Variants in PTPRM observed in about 807,000 individuals in gnomAD.
The protein encoded by PTPRM is receptor-type tyrosine-protein phosphatase mu.
In PTPRM, 47 loss-of-function variants were observed where a neutral mutation model predicts 186.7. The observed-to-expected ratio is 0.25, with a 90% CI of 0.20 to 0.32. The LOEUF (loss-of-function observed/expected upper bound fraction) is 0.32. Ranked by LOEUF, PTPRM falls within the 10% of genes least tolerant of loss-of-function variation. The pLI is 1.00. For synonymous variants in PTPRM, 668 were observed against 674.9 expected, an observed-to-expected ratio of 0.99 and a Z score of 0.16; for missense variants, 1,494 against 1,865.0, an observed-to-expected ratio of 0.80 and a Z score of 3.66.
rs200495138 is a variant in PTPRM at position 7,658,365 on chromosome 18, C to T, written c.73+90474C>T. On this transcript the variant is annotated intron_variant, in intron 1 of 32. Transcript: ENST00000580170. ...ATATATATATATATATATATACATA[C>T]ACACACACACACGCTATAAAAATGA... 6.7e-3 allele frequency among the ~76,000 whole-genome samples: 809 copies of T among 121,112 alleles called. 9 individuals carry two copies. The highest frequency in any genetic ancestry group is 0.03 in the African/African-American group (766 of 25,966). The allele number at this position is 121,112 out of a possible 152,430, so 79.5% of individuals were successfully genotyped here. A position where few individuals can be genotyped will look rare whatever the true frequency, so the allele number is the denominator to read the frequency against.
chr18:8,050,722 A>G (rs1447070741), intron 7 of PTPRM, among the ~76,000 whole-genome samples: 1 of 152,144 alleles, frequency 6.6e-6, no homozygotes, highest in Non-Finnish European at 1.5e-5. Context: ...TTTTTGTGGC[A>G]GTTTTCCAAC....
At chr18:8,002,647 C>T (rs1189617322) in intron 7 of PTPRM, among the ~76,000 whole-genome samples, 2 of 152,220 alleles carry the variant, frequency 1.3e-5, no homozygotes, top group Admixed American at 1.3e-4. Flanking sequence ...TGCAGACGCC[C>T]AGGCTCCAAC....
intron 2 of PTPRM, among the ~76,000 whole-genome samples, chr18:7,880,586 G>A (rs1398391329): frequency 6.6e-6 from 1 of 152,224 alleles, no homozygotes; most frequent in Non-Finnish European, 1.5e-5. Flanking sequence ...CTTGGAGACT[G>A]TGGTTTCATC....
intron 7 of PTPRM, among the ~76,000 whole-genome samples, chr18:7,961,603 T>G (rs1387470253): frequency 2.0e-5 from 3 of 152,252 alleles, no homozygotes; most frequent in Non-Finnish European, 2.9e-5. Flanking sequence ...TAGTAAAGCA[T>G]GTACTGCTGG....
intron 7 of PTPRM, among the ~76,000 whole-genome samples, chr18:8,022,672 T>C (rs1446958320): frequency 1.3e-5 from 2 of 152,108 alleles, no homozygotes; most frequent in East Asian, 1.9e-4. Context: ...GCGCTCCTAT[T>C]GATCTAGGTC....
intron 1 of PTPRM, among the ~76,000 whole-genome samples, chr18:7,749,770 A>G (rs531901899): frequency 1.3e-5 from 2 of 152,278 alleles, no homozygotes; most frequent in South Asian, 2.1e-4. Flanking sequence ...TATATTCTCA[A>G]TTCCATGTTA....
intron 1 of PTPRM, among the ~76,000 whole-genome samples, chr18:7,635,069 A>G (rs532928344): frequency 2.0e-5 from 3 of 152,250 alleles, no homozygotes; most frequent in Admixed American, 2.0e-4. Context: ...TTCAGGGAAA[A>G]TAATTATTTT....
intron 14 of PTPRM, among the ~76,000 whole-genome samples, chr18:8,223,606 C>T (rs749621273): frequency 4.6e-5 from 7 of 152,264 alleles, no homozygotes; most frequent in Non-Finnish European, 7.4e-5. Flanking sequence ...CAGCCACCAG[C>T]GCAGTCCAAA....
chr18:7,753,034 G>A (rs910623433), intron 1 of PTPRM, among the ~76,000 whole-genome samples: 1 of 152,112 alleles, frequency 6.6e-6, no homozygotes, highest in African/African-American at 2.4e-5. Flanking sequence ...GAGATGGGGA[G>A]GAGCAGTCTT....
chr18:8,296,334 CA>C (rs2095096988), intron 19 of PTPRM, 33 bp from the exon 20 acceptor site: 2 of 1,419,090 alleles, frequency 1.4e-6, no homozygotes, highest in Non-Finnish European at 2.0e-6. Context: ...TTTACTGCGC[CA>C]AATTGTAATT....
chr18:7,788,579 C>CA (rs2043195320), intron 2 of PTPRM, among the ~76,000 whole-genome samples: 1 of 150,568 alleles, frequency 6.6e-6, no homozygotes, highest in South Asian at 2.1e-4. Context: ...GAAATAATTC[C>CA]AACCCCTTTT....
At chr18:8,083,141 C>G (rs182180077) in intron 9 of PTPRM, among the ~76,000 whole-genome samples, 1 of 152,272 alleles carries the variant, frequency 6.6e-6, no homozygotes, top group African/African-American at 2.4e-5. Flanking sequence ...GCCCTCCCTA[C>G]TACTTCAATT....
intron 2 of PTPRM, among the ~76,000 whole-genome samples, chr18:7,832,823 A>G (rs1238978633): frequency 1.3e-5 from 2 of 152,202 alleles, no homozygotes; most frequent in African/African-American, 4.8e-5. Context: ...GTCTAGTTAC[A>G]TTCTTCTACA....
chr18:8,307,356 A>G (rs769137947), intron 20 of PTPRM, among the ~76,000 whole-genome samples: 3 of 152,144 alleles, frequency 2.0e-5, no homozygotes, highest in East Asian at 3.9e-4. Context: ...CTCCACCCCA[A>G]CTGGACCCTT....
intron 7 of PTPRM, among the ~76,000 whole-genome samples, chr18:8,008,454 AT>A (rs776570568): frequency 1.3e-5 from 2 of 152,184 alleles, no homozygotes; most frequent in South Asian, 2.1e-4. Flanking sequence ...GTCTTTACTT[AT>A]TGTTTTTATG....
intron 2 of PTPRM, among the ~76,000 whole-genome samples, chr18:7,806,118 C>T (rs2044222331): frequency 6.6e-6 from 1 of 152,168 alleles, no homozygotes; most frequent in Non-Finnish European, 1.5e-5. Flanking sequence ...ACTGGACATA[C>T]TCTGAACTGA....
At chr18:8,391,948 A>G (rs2095815433) in intron 31 of PTPRM, among the ~76,000 whole-genome samples, 1 of 152,246 alleles carries the variant, frequency 6.6e-6, no homozygotes, top group African/African-American at 2.4e-5. Context: ...CAGGAAATAC[A>G]GAGTTAGAAA....
intron 7 of PTPRM, among the ~76,000 whole-genome samples, chr18:8,038,908 T>C (rs2086518723): frequency 6.6e-6 from 1 of 152,182 alleles, no homozygotes; most frequent in African/African-American, 2.4e-5. Context: ...TCTAGGAGCA[T>C]AATCCATAGT....
intron 1 of PTPRM, among the ~76,000 whole-genome samples, chr18:7,627,758 G>A (rs1035524753): frequency 3.9e-5 from 6 of 152,186 alleles, no homozygotes; most frequent in Non-Finnish European, 7.3e-5. Flanking sequence ...GTAGTGGAGA[G>A]TAGAGCTGAA....
Sources: allele counts gnomAD v4.1 joint callset (sites outside exome capture counted in the v4.1 genomes callset), GRCh38; gene constraint gnomAD v4.1.1; transcripts MANE v1.5; gene names NCBI Gene and HGNC (gene_info 2026-07-23, HGNC 2026-07-21).